Variants in PKIA observed in about 807,000 individuals in gnomAD.
PKIA encodes the protein PKI-alpha.
In PKIA, 4 loss-of-function variants were observed where a neutral mutation model predicts 7.6. The observed-to-expected ratio is 0.52, with a 90% CI of 0.26 to 1.20. PKIA has a LOEUF of 1.20. Among genes scored for constraint, PKIA ranks in the 50% most tolerant of loss-of-function variants. The probability of loss-of-function intolerance (pLI) is 0.13; values close to 1 mark genes in which losing one functional copy is unlikely to be tolerated. For missense variants in PKIA, 73 were observed against 86.2 expected (o/e 0.85, Z 0.61); for synonymous variants, 21 against 30.7 (o/e 0.68, Z 1.04).
intron 2 of PKIA, among the ~76,000 whole-genome samples, chr8:78,574,175 T>C (rs1807620628): frequency 6.6e-6 from 1 of 152,038 alleles, no homozygotes; most frequent in African/African-American, 2.4e-5. Flanking sequence ...GGGTATAGTG[T>C]GATGTTTAAT....
intron 2 of PKIA, among the ~76,000 whole-genome samples, chr8:78,579,084 A>G (rs767396888): frequency 1.3e-5 from 2 of 151,944 alleles, no homozygotes; most frequent in African/African-American, 4.8e-5. Context: ...CAATTTCTAC[A>G]TGTAGTCCAT....
rs116952332 is a variant in PKIA at position 78,574,558 on chromosome 8, A to G, written c.-28+1619A>G. Among the ~76,000 whole-genome samples the G allele has an allele frequency of 7.5e-3, 1,140 of 152,128 alleles. 8 individuals are homozygous for G. Among genetic ancestry groups the G allele is most frequent in the Non-Finnish European group, 0.013 (857 of 67,918 alleles). ...TAAAATTTAGCATAATCCAGTTACCACAAAACCAAAACACTCACACACACT... is the reference window on the plus strand; with the variant it reads ...TAAAATTTAGCATAATCCAGTTACCGCAAAACCAAAACACTCACACACACT... On this transcript the variant is annotated intron_variant, in intron 2 of 3. Coordinates refer to ENST00000396418, the MANE Select transcript of PKIA (RefSeq NM_006823.4).
At chr8:78,533,166 CCTCTT>C (rs1806436967) in intron 1 of PKIA, among the ~76,000 whole-genome samples, 1 of 152,044 alleles carries the variant, frequency 6.6e-6, no homozygotes, top group Non-Finnish European at 1.5e-5. Flanking sequence ...TCTTACATGC[CCTCTT>C]CTCAACATCT....
At chr8:78,586,820 G>A (rs985584011) in intron 2 of PKIA, among the ~76,000 whole-genome samples, 6 of 152,308 alleles carry the variant, frequency 3.9e-5, no homozygotes, top group Admixed American at 3.9e-4. Flanking sequence ...TCACCTATTA[G>A]TTTCATGACT....
At chr8:78,586,169 C>T (rs778702410) in intron 2 of PKIA, among the ~76,000 whole-genome samples, 2 of 152,110 alleles carry the variant, frequency 1.3e-5, no homozygotes. Flanking sequence ...TGAGCAGGGC[C>T]ATTTTTAAGG....
intron 2 of PKIA, among the ~76,000 whole-genome samples, chr8:78,584,188 T>C (rs1807892950): frequency 6.6e-6 from 1 of 152,084 alleles, no homozygotes; most frequent in Middle Eastern, 3.2e-3. Flanking sequence ...TATGTGTGTG[T>C]GTGTTTGTGC....
chr8:78,563,260 G>A lies in PKIA; in HGVS notation c.-156-9551G>A, dbSNP rs1585901962. On this transcript the variant is annotated intron_variant, in intron 1 of 3. Coordinates refer to ENST00000396418, the MANE Select transcript of PKIA (RefSeq NM_006823.4). ...CTCAGTTTTCTCATTTGTAGTGTGG[G>A]AATTATACAAGATGTATAAGTTTAT... Among the ~76,000 whole-genome samples, 3 of 152,134 alleles carry A rather than the reference G, an allele frequency of 2.0e-5. 1 individual carries two copies. The East Asian group carries it at 5.8e-4, about 29-fold the overall frequency.
intron 1 of PKIA, among the ~76,000 whole-genome samples, chr8:78,537,322 T>C (rs1806553827): frequency 1.3e-5 from 2 of 152,078 alleles, no homozygotes; most frequent in Non-Finnish European, 2.9e-5. Flanking sequence ...GCAAAATTTA[T>C]CTCTATGAAG....
intron 1 of PKIA, among the ~76,000 whole-genome samples, chr8:78,531,472 AG>A (rs1806384273): frequency 6.6e-6 from 1 of 152,140 alleles, no homozygotes; most frequent in South Asian, 2.1e-4. Context: ...TATTCATAGA[AG>A]TGAAAAATAA....
intron 2 of PKIA, among the ~76,000 whole-genome samples, chr8:78,590,419 A>G (rs769397397): frequency 7.9e-5 from 12 of 152,174 alleles, no homozygotes; most frequent in Non-Finnish European, 1.6e-4. Context: ...ATTGAAAAAA[A>G]GCCATAATTA....
chr8:78,537,549 A>C (rs937312206), intron 1 of PKIA, among the ~76,000 whole-genome samples: 17 of 151,984 alleles, frequency 1.1e-4, no homozygotes, highest in Admixed American at 1.1e-3. Context: ...GATAACCGAT[A>C]TATTTTTGAG....
At chr8:78,526,663 T>C (rs1806241207) in intron 1 of PKIA, among the ~76,000 whole-genome samples, 1 of 152,006 alleles carries the variant, frequency 6.6e-6, no homozygotes, top group South Asian at 2.1e-4. Flanking sequence ...TCTATTTTAT[T>C]GAAGCCCGAA....
At chr8:78,538,564 G>T (rs1039668038) in intron 1 of PKIA, among the ~76,000 whole-genome samples, 1 of 151,930 alleles carries the variant, frequency 6.6e-6, no homozygotes, top group African/African-American at 2.4e-5. Context: ...GCCATATTAA[G>T]CTTCTAATAC....
Position 78,541,134 on chromosome 8 carries a change from C to T in PKIA, c.-157+24666C>T, listed in dbSNP as rs1045130574. Among the ~76,000 whole-genome samples the T allele has an allele frequency of 4.6e-5, 7 of 152,114 alleles. No individual in the cohort carries two copies. In the South Asian group the frequency reaches 6.2e-4, roughly 14 times the overall value. On this transcript the variant is annotated intron_variant, in intron 1 of 3. Coordinates refer to ENST00000396418, the MANE Select transcript of PKIA (RefSeq NM_006823.4). ...CCCCTATGAATCCATCTACTATCAT[C>T]GTCTACTCTCCAAATTCTTCCTGAT...
intron 2 of PKIA, among the ~76,000 whole-genome samples, chr8:78,575,764 T>C (rs1807660405): frequency 6.6e-6 from 1 of 152,030 alleles, no homozygotes; most frequent in Non-Finnish European, 1.5e-5. Flanking sequence ...AGTCCTATGA[T>C]TCTACAGCCT....
intron 1 of PKIA, among the ~76,000 whole-genome samples, chr8:78,536,859 TACACACACACACACAC>T (rs58547049): frequency 0.066 from 9,046 of 136,108 alleles, 301 homozygotes; most frequent in Middle Eastern, 0.15. Flanking sequence ...CTAGAAAACA[TACACACACACACACAC>T]ACACACACAC....
At chr8:78,599,602 ATGTAGACC>A (rs1433702063) in intron 3 of PKIA, among the ~76,000 whole-genome samples, 1 of 152,098 alleles carries the variant, frequency 6.6e-6, no homozygotes, top group Non-Finnish European at 1.5e-5. Context: ...ACTTTGGAAT[ATGTAGACC>A]TGTATAAATC....
intron 1 of PKIA, among the ~76,000 whole-genome samples, chr8:78,518,017 C>A (rs190244084): frequency 2.0e-5 from 3 of 152,144 alleles, no homozygotes; most frequent in Non-Finnish European, 4.4e-5. Flanking sequence ...TTACCTCTTT[C>A]TTTCCTCTTC....
At position 78,604,974 on chromosome 8, in the gene PKIA, A is replaced by G. The variant is rs1321056549; in HGVS notation, c.*3153A>G. The G allele has an allele frequency of 4.6e-5, 7 of 152,058 alleles. No homozygotes were observed. Among genetic ancestry groups the G allele is most frequent in the African/African-American group, 1.7e-4 (7 of 41,422 alleles). 9.4% of individuals were successfully genotyped at this position (152,058 alleles called of 1,614,324 possible). On this transcript the variant is annotated 3_prime_UTR_variant, in exon 4 of 4. Coordinates refer to ENST00000396418, the MANE Select transcript of PKIA (RefSeq NM_006823.4). Reference sequence around the variant, plus strand: ...TGCACCATTTTAGAAGATGAATGATACTGCTATTTCTCTTCAGGGAAACAA... The same window carrying G: ...TGCACCATTTTAGAAGATGAATGATGCTGCTATTTCTCTTCAGGGAAACAA...
Sources: allele counts gnomAD v4.1 joint callset (sites outside exome capture counted in the v4.1 genomes callset), GRCh38; gene constraint gnomAD v4.1.1; transcripts MANE v1.5; gene names NCBI Gene and HGNC (gene_info 2026-07-23, HGNC 2026-07-21).